The following PCDHGA4 variants were observed in gnomAD, a reference collection of about 807,000 sequenced individuals.
PCDHGA4 encodes protocadherin gamma-A4.
Under a neutral mutation model 54.6 loss-of-function variants are expected in PCDHGA4, and 38 were observed. The observed-to-expected ratio is 0.70, with a 90% CI of 0.54 to 0.91. PCDHGA4 has a LOEUF of 0.91. PCDHGA4 is among the 40% of genes least tolerant of loss of function. The probability of loss-of-function intolerance (pLI) is 0.00; values close to 1 mark genes in which losing one functional copy is unlikely to be tolerated. For synonymous variants in PCDHGA4, 511 were observed against 512.9 expected, an observed-to-expected ratio of 1.00 and a Z score of 0.05; for missense variants, 1,298 against 1,220.9, an observed-to-expected ratio of 1.06 and a Z score of -0.94.
At chr5:141,433,253 G>C (rs1288721469) in intron 1 of PCDHGA4, 1 of 1,416,466 alleles carries the variant, frequency 7.1e-7, no homozygotes, top group East Asian at 2.3e-5. Flanking sequence ...GAATGCAGCG[G>C]TACGATCATA....
intron 1 of PCDHGA4, among the ~76,000 whole-genome samples, chr5:141,406,087 T>TA (rs113984376): frequency 6.7e-6 from 1 of 148,544 alleles, no homozygotes; most frequent in African/African-American, 2.5e-5. Flanking sequence ...TTTTTTTTTT[T>TA]AAGAGATGGG....
chr5:141,509,809 A>G (rs13163163), intron 3 of PCDHGA4, among the ~76,000 whole-genome samples: 35,240 of 151,962 alleles, frequency 0.23, 4,247 homozygotes, highest in Admixed American at 0.33. Context: ...CATAGAGCCG[A>G]GCTCTTCTCC....
chr5:141,421,291 G>C, intron 1 of PCDHGA4: 1 of 1,613,364 alleles, frequency 6.2e-7, no homozygotes, highest in Middle Eastern at 1.6e-4. Context: ...CATTTTCCTG[G>C]GGACGCTGCG....
Position 141,400,542 on chromosome 5 carries a change from C to G in PCDHGA4, c.2514+42921C>G, listed in dbSNP as rs373097307. On this transcript the variant is annotated intron_variant, in intron 1 of 3. Transcript: ENST00000571252. ...CTGAGTTGGTGAGTTTCATTTATGT[C>G]TATTCTTTTTCATTACCCACCCAAT... 5.6e-6 allele frequency: 9 copies of G among 1,613,628 alleles called. No individual in the cohort carries two copies. In the African/African-American group the frequency reaches 8.0e-5, roughly 14 times the overall value.
intron 1 of PCDHGA4, chr5:141,392,138 G>C (rs1212519982): frequency 6.6e-6 from 1 of 152,142 alleles, no homozygotes; most frequent in Non-Finnish European, 1.5e-5. Context: ...TGATTAAGTA[G>C]TTTAAACCAA....
At chr5:141,397,216 T>C (rs772120141) in intron 1 of PCDHGA4, among the ~76,000 whole-genome samples, 32 of 152,186 alleles carry the variant, frequency 2.1e-4, no homozygotes, top group Non-Finnish European at 4.1e-4. Context: ...AGAGAAGTAT[T>C]TTGAGATATG....
Position 141,511,313 on chromosome 5 carries a change from C to T in PCDHGA4, c.*140C>T. ...CCAAGGCCATGCTCCCCTTGGGAAA[C>T]AGAAACAAGTGCCCAGTCAGCACCT... On this transcript the variant is annotated 3_prime_UTR_variant, in exon 4 of 4. Transcript: ENST00000571252. 2 of 1,482,944 alleles carry T rather than the reference C, an allele frequency of 1.3e-6. No homozygotes were observed. The highest frequency in any genetic ancestry group is 2.3e-5 in the Admixed American group (1 of 43,596). 91.9% of individuals were successfully genotyped at this position (1,482,944 alleles called of 1,614,324 possible).
At chr5:141,481,913 CAAA>C (rs34114744) in intron 1 of PCDHGA4, among the ~76,000 whole-genome samples, 50 of 90,788 alleles carry the variant, frequency 5.5e-4, no homozygotes, top group African/African-American at 7.1e-4. Flanking sequence ...AACTCCATCT[CAAA>C]AAAAAAAAAA....
At chr5:141,459,606 T>G (rs1430790771) in intron 1 of PCDHGA4, among the ~76,000 whole-genome samples, 1 of 152,250 alleles carries the variant, frequency 6.6e-6, no homozygotes, top group Non-Finnish European at 1.5e-5. Context: ...GGGAAGTATA[T>G]GCTTAACTTT....
rs141958687 is a variant in PCDHGA4 at position 141,509,744 on chromosome 5, G to A, written c.2663-1203G>A. 3.3e-3 allele frequency among the ~76,000 whole-genome samples: 509 copies of A among 152,266 alleles called. 3 individuals are homozygous for A. The highest frequency in any genetic ancestry group is 5.5e-3 in the Non-Finnish European group (372 of 68,024). On this transcript the variant is annotated intron_variant, in intron 3 of 3. Coordinates refer to ENST00000571252, the MANE Select transcript of PCDHGA4 (RefSeq NM_018917.4). ...CACCTAGCTGTGGCACTCTGAGCCT[G>A]TGCCTAAAGTGTCCCTGAGATGTCT...
chr5:141,473,362 C>G (rs2099320242), intron 1 of PCDHGA4, among the ~76,000 whole-genome samples: 1 of 152,166 alleles, frequency 6.6e-6, no homozygotes, highest in South Asian at 2.1e-4. Flanking sequence ...AAGTGGCCAC[C>G]AAAATAGCAT....
intron 1 of PCDHGA4, among the ~76,000 whole-genome samples, chr5:141,386,303 T>G (rs938709302): frequency 6.6e-6 from 1 of 152,202 alleles, no homozygotes; most frequent in Non-Finnish European, 1.5e-5. Context: ...TTAGTAAAGC[T>G]CAGTATATCA....
intron 1 of PCDHGA4, chr5:141,397,991 C>T (rs960718940): frequency 1.5e-6 from 2 of 1,340,100 alleles, no homozygotes; most frequent in African/African-American, 3.0e-5. Context: ...TACACCGCTT[C>T]CTCCTCGGAA....
chr5:141,409,007 C>T, intron 1 of PCDHGA4: 1 of 1,613,932 alleles, frequency 6.2e-7, no homozygotes, highest in Non-Finnish European at 8.5e-7. Context: ...AGCCACTGAC[C>T]AGGATGAGGG....
chr5:141,497,191 A>G (rs2099774633), intron 2 of PCDHGA4, among the ~76,000 whole-genome samples: 1 of 126,864 alleles, frequency 7.9e-6, no homozygotes, highest in Admixed American at 8.3e-5. Context: ...TGAGAGGCAG[A>G]GAACAATGTG....
chr5:141,472,980 C>CAAAAAAAAAAAAAAAAAAAAAAA (rs60579131), intron 1 of PCDHGA4, among the ~76,000 whole-genome samples: 6 of 86,066 alleles, frequency 7.0e-5, no homozygotes, highest in Non-Finnish European at 1.0e-4. Context: ...GAGTGAAACT[C>CAAAAAAAAAAAAAAAAAAAAAAA]AAAAAAAAAA....
chr5:141,425,528 C>T (rs2096881702), intron 1 of PCDHGA4, among the ~76,000 whole-genome samples: 1 of 152,200 alleles, frequency 6.6e-6, no homozygotes, highest in African/African-American at 2.4e-5. Context: ...AAACATGAAA[C>T]AATAATCCTT....
intron 1 of PCDHGA4, chr5:141,392,542 A>T: frequency 3.1e-6 from 1 of 323,438 alleles, no homozygotes; most frequent in South Asian, 1.2e-4. Flanking sequence ...ATTTAGAAGT[A>T]ATCTGTATCT....
chr5:141,427,398 A>T (rs1040184910), intron 1 of PCDHGA4: 8 of 460,774 alleles, frequency 1.7e-5, no homozygotes, highest in Non-Finnish European at 3.5e-5. Context: ...AACACATGAT[A>T]AAGATTCGAG....
Sources: gnomAD v4.1 joint callset for allele counts (sites outside exome capture counted in the v4.1 genomes callset) on GRCh38, gnomAD v4.1.1 for gene constraint, MANE v1.5 for transcripts, NCBI Gene and HGNC (gene_info 2026-07-23, HGNC 2026-07-21) for gene names.